BAD: variants seen among roughly 807,000 people sequenced by gnomAD.
The protein encoded by BAD is BCL2 associated agonist of cell death.
In BAD, 18 loss-of-function variants were observed where a neutral mutation model predicts 17.8. The ratio of observed to expected loss-of-function variants is 1.01; its 90% CI spans 0.70 to 1.50. The LOEUF is 1.50. Among genes scored for constraint, BAD ranks in the 40% most tolerant of loss-of-function variants. The pLI is 0.00. For missense variants in BAD, 294 were observed against 239.3 expected (o/e 1.23, Z -1.51); for synonymous variants, 112 against 91.5 (o/e 1.22, Z -1.28).
intron 2 of BAD, among the ~76,000 whole-genome samples, chr11:64,275,486 T>C (rs1461526759): frequency 6.6e-6 from 1 of 151,988 alleles, no homozygotes; most frequent in East Asian, 1.9e-4. Context: ...TCTGCCAGGA[T>C]CGCCATGACA....
In BAD at chr11:64,269,948, C is replaced by T; in HGVS notation, c.*261G>A. The stretch of plus-strand genomic sequence containing the variant: ...CCTGGCTCGCGACTTAGCGCAGGCG[C>T]CTGGGGGAAAGCCCGGAGCCTGAGG... On this transcript the variant is annotated 3_prime_UTR_variant, in exon 4 of 4. Transcript: ENST00000309032. The T allele has an allele frequency of 1.4e-6, 1 of 729,618 alleles. No individual in the cohort carries two copies. Among genetic ancestry groups the T allele is most frequent in the Non-Finnish European group, 2.4e-6 (1 of 415,776 alleles). 45.2% of individuals were successfully genotyped at this position (729,618 alleles called of 1,614,324 possible).
chr11:64,270,898 G>GACAC lies in BAD; in HGVS notation c.379-562_379-561insGTGT, dbSNP rs1491175311. On this transcript the variant is annotated intron_variant, in intron 3 of 3. Transcript: ENST00000309032. ...GACTACAGATCCCAGCATGCCCTGTGAGACACACACACACACACACACACA... is the reference window on the plus strand; with the variant it reads ...GACTACAGATCCCAGCATGCCCTGTGACACAGACACACACACACACACACACACA... Among the ~76,000 whole-genome samples the GACAC allele has an allele frequency of 3.0e-4, 26 of 86,940 alleles. 2 individuals carry two copies. The highest frequency in any genetic ancestry group is 5.5e-4 in the Admixed American group (4 of 7,246). The allele number at this position is 86,940 out of a possible 152,430, so 57.0% of individuals were successfully genotyped here. A position where few individuals can be genotyped will look rare whatever the true frequency, so the allele number is the denominator to read the frequency against.
intron 2 of BAD, among the ~76,000 whole-genome samples, chr11:64,279,594 C>T (rs1044743468): frequency 2.7e-5 from 4 of 150,620 alleles, no homozygotes; most frequent in Admixed American, 6.6e-5. Context: ...GTGAAACCCC[C>T]GTCTCCACTA....
chr11:64,278,447 G>A (rs1365050848), intron 2 of BAD, among the ~76,000 whole-genome samples: 1 of 151,064 alleles, frequency 6.6e-6, no homozygotes, highest in Non-Finnish European at 1.5e-5. Context: ...AATAAGAGCC[G>A]CAAACACTTA....
chr11:64,271,757 CGCGGG>C lies in BAD; in HGVS notation c.229_233del (p.Pro77GlyfsTer41). On this transcript the variant is annotated frameshift_variant, in exon 3 of 4. Coordinates refer to ENST00000309032, the MANE Select transcript of BAD (RefSeq NM_032989.3). LOFTEE classifies it high-confidence loss of function. ...CCATCCCTTCGTCGTCCTCCGTCCC[CGCGGG>C]GTAGGAGCTGTGGCGACTCCGGATC... The C allele has an allele frequency of 2.1e-6, 3 of 1,445,612 alleles. No homozygotes were observed. The highest frequency in any genetic ancestry group is 1.8e-6 in the Non-Finnish European group (2 of 1,099,500). The allele number at this position is 1,445,612 out of a possible 1,614,324, so 89.5% of individuals were successfully genotyped here.
chr11:64,282,437 AC>A (rs1458123208), intron 2 of BAD, among the ~76,000 whole-genome samples: 1 of 152,156 alleles, frequency 6.6e-6, no homozygotes, highest in African/African-American at 2.4e-5. Context: ...CCCCACCTCT[AC>A]AAAAAATAAA....
intron 2 of BAD, among the ~76,000 whole-genome samples, chr11:64,282,399 C>T (rs1221930610): frequency 6.6e-6 from 1 of 151,400 alleles, no homozygotes; most frequent in Non-Finnish European, 1.5e-5. Flanking sequence ...CCCAGGAATT[C>T]GAGACAAGAC....
chr11:64,279,601 A>AC (rs1276623806), intron 2 of BAD, among the ~76,000 whole-genome samples: 1 of 151,652 alleles, frequency 6.6e-6, no homozygotes, highest in African/African-American at 2.4e-5. Flanking sequence ...CCCCGTCTCC[A>AC]CTAAAAACAC....
chr11:64,282,096 T>C (rs1374592775), intron 2 of BAD, among the ~76,000 whole-genome samples: 2 of 152,164 alleles, frequency 1.3e-5, no homozygotes, highest in East Asian at 1.9e-4. Context: ...TGTTTGCTCA[T>C]GGCCCCACCA....
At chr11:64,273,041 C>A (rs931388176) in intron 2 of BAD, among the ~76,000 whole-genome samples, 2 of 151,902 alleles carry the variant, frequency 1.3e-5, no homozygotes, top group African/African-American at 4.8e-5. Flanking sequence ...GCCTAGGCAA[C>A]ATTGCAAAAC....
Position 64,284,286 on chromosome 11 carries a change from C to T in BAD, c.83G>A (p.Gly28Glu), listed in dbSNP as rs1305327730. ...CTTGCCGGAGCCTGAGGGCCCGTCC[C>T]CTGCGGGGCTGGGGCCCAGGCCCCT... is the stretch of plus-strand genomic sequence containing the variant. ...AERGLGPSPA[G>E]DGPSGSGKHH... The change falls in exon 2 of 4, where the codon GGG becomes GAG. Residue 28 changes from glycine (G) to glutamate (E), a missense_variant. Coordinates refer to ENST00000309032, the MANE Select transcript of BAD (RefSeq NM_032989.3). The T allele has an allele frequency of 6.2e-7, 1 of 1,611,932 alleles. No homozygotes were observed. The highest frequency in any genetic ancestry group is 8.5e-7 in the Non-Finnish European group (1 of 1,179,950).
intron 2 of BAD, among the ~76,000 whole-genome samples, chr11:64,277,457 C>T (rs78624926): frequency 0.039 from 5,955 of 152,228 alleles, 159 homozygotes; most frequent in Non-Finnish European, 0.059. Context: ...TAAAAAACAG[C>T]GACAGGGTCT....
intron 3 of BAD, 58 bp downstream of exon 3, chr11:64,271,555 G>T: frequency 1.5e-6 from 2 of 1,364,380 alleles, no homozygotes; most frequent in South Asian, 3.4e-5. Context: ...GGCAGGGACA[G>T]ACCGGCGGGG....
intron 2 of BAD, among the ~76,000 whole-genome samples, chr11:64,278,522 C>T (rs1344907408): frequency 6.6e-6 from 1 of 152,108 alleles, no homozygotes; most frequent in Admixed American, 6.6e-5. Context: ...CAGGTCCTCG[C>T]CACAGCCCTG....
rs775239803 is a variant in BAD, at chr11:64,270,100, A to C, written c.*109T>G. ...GGTCAGCCCTCCCTCCAAAGGAGACAGCACGGATCCTCTTTTTGCATAGGC... is the reference window on the plus strand; with the variant it reads ...GGTCAGCCCTCCCTCCAAAGGAGACCGCACGGATCCTCTTTTTGCATAGGC... On this transcript the variant is annotated 3_prime_UTR_variant, in exon 4 of 4. Transcript: ENST00000309032. 2.6e-6 allele frequency: 4 copies of C among 1,543,766 alleles called. No individual in the cohort carries two copies. Among genetic ancestry groups the C allele is most frequent in the South Asian group, 1.2e-5 (1 of 86,546 alleles).
In BAD at chr11:64,270,409, G is replaced by A. The variant is rs1017294920; in HGVS notation, c.379-72C>T. ...CTCGAGCCAGGCTCTCCACTTCCGT[G>A]AGCCTTCCTCTAAGTGAGATCGGGG... On this transcript the variant is annotated intron_variant, in intron 3 of 3. Coordinates refer to ENST00000309032, the MANE Select transcript of BAD (RefSeq NM_032989.3). 11 of 1,474,346 alleles carry A rather than the reference G, an allele frequency of 7.5e-6. No individual in the cohort carries two copies. The East Asian group carries it at 1.8e-4, about 25-fold the overall frequency. 91.3% of individuals were successfully genotyped at this position (1,474,346 alleles called of 1,614,324 possible). A position where few individuals can be genotyped will look rare whatever the true frequency, so the allele number is the denominator to read the frequency against.
intron 2 of BAD, among the ~76,000 whole-genome samples, chr11:64,280,741 C>T (rs1171047437): frequency 6.6e-6 from 1 of 151,538 alleles, no homozygotes; most frequent in Non-Finnish European, 1.5e-5. Context: ...GATTTCAGCT[C>T]ACTGCGACCT....
In BAD at chr11:64,269,837, C is replaced by A. The variant is rs1440135111; in HGVS notation, c.*372G>T. 3 of 692,776 alleles carry A rather than the reference C, an allele frequency of 4.3e-6. No individual in the cohort carries two copies. Among genetic ancestry groups the A allele is most frequent in the Non-Finnish European group, 7.9e-6 (3 of 380,976 alleles). The allele number at this position is 692,776 out of a possible 1,614,324, so 42.9% of individuals were successfully genotyped here. On this transcript the variant is annotated 3_prime_UTR_variant, in exon 4 of 4. Transcript: ENST00000309032. ...GACGCACAGAAAAGCCTCGGCGGCA[C>A]AGACGCGGGCTTTATTAACATTTGG...
rs1022775163 is a variant in BAD, at chr11:64,284,383, G to A, written c.-8-7C>T. On this transcript the variant is annotated splice_polypyrimidine_tract_variant and splice_region_variant and intron_variant, in intron 1 of 3. Transcript: ENST00000309032. ...ATCTGGAACATGCTCTGGGCTGTGAGGACAAGATGTTACGTAGTCAAGGCA... is the reference window on the plus strand; with the variant it reads ...ATCTGGAACATGCTCTGGGCTGTGAAGACAAGATGTTACGTAGTCAAGGCA... 5 of 1,612,382 alleles carry A rather than the reference G, an allele frequency of 3.1e-6. No homozygotes were observed. The South Asian group carries it at 4.4e-5, about 14-fold the overall frequency.
Sources: allele counts gnomAD v4.1 joint callset (sites outside exome capture counted in the v4.1 genomes callset), GRCh38; gene constraint gnomAD v4.1.1; transcripts MANE v1.5; gene names NCBI Gene and HGNC (gene_info 2026-07-23, HGNC 2026-07-21).